Variants in CRISP2 observed in about 807,000 individuals in gnomAD.
The protein encoded by CRISP2 is cysteine rich secretory protein 2.
A neutral mutation model predicts 31.7 loss-of-function variants in CRISP2; 29 were observed. The ratio of observed to expected loss-of-function variants is 0.92; its 90% CI spans 0.68 to 1.25. The LOEUF is 1.25. CRISP2 is among the 50% of genes most tolerant of loss of function. The pLI is 0.00. For missense variants in CRISP2, 318 were observed against 286.5 expected (o/e 1.11, Z -0.79); for synonymous variants, 111 against 101.4 (o/e 1.09, Z -0.57).
Position 49,698,467 on chromosome 6 carries a change from A to C in CRISP2, c.312T>G (p.Pro104=). The C allele has an allele frequency of 6.2e-7, 1 of 1,613,166 alleles. No individual in the cohort carries two copies. Among genetic ancestry groups the C allele is most frequent in the South Asian group, 1.1e-5 (1 of 90,932 alleles). Residue 104 remains proline, a synonymous_variant, in exon 7 of 10, where the codon CCT becomes CCG. Coordinates refer to ENST00000339139, the MANE Select transcript of CRISP2 (RefSeq NM_003296.4). ...TTTGGATTGCAGAAGACCAGGAAGT[A>C]GGGTCACTTGACATATAGAGATTCT... is the stretch of plus-strand genomic sequence containing the variant. The part of the protein sequence containing the change: ...CGENLYMSSD[P]TSWSSAIQSW...
At chr6:49,677,542 T>A in the CRISP2 span, among the ~76,000 whole-genome samples, 1 of 152,206 alleles carries the variant, frequency 6.6e-6, no homozygotes, top group Non-Finnish European at 1.5e-5. Flanking sequence ...TTCTTTCACA[T>A]ACACTTACAG....
intron 6 of CRISP2, among the ~76,000 whole-genome samples, chr6:49,699,411 A>C (rs1022081573): frequency 6.6e-6 from 1 of 152,024 alleles, no homozygotes; most frequent in Non-Finnish European, 1.5e-5. Context: ...CAGCTACATA[A>C]ATTAACAAAA....
the CRISP2 span, among the ~76,000 whole-genome samples, chr6:49,685,088 T>C: frequency 6.6e-6 from 1 of 152,330 alleles, no homozygotes; most frequent in East Asian, 1.9e-4. Flanking sequence ...GCTCCCCGGA[T>C]GCCTCCCATG....
At chr6:49,677,711 T>G in the CRISP2 span, among the ~76,000 whole-genome samples, 1 of 152,068 alleles carries the variant, frequency 6.6e-6, no homozygotes, top group Non-Finnish European at 1.5e-5. Context: ...AGTGGAGTAC[T>G]GGGTGCAGGA....
At chr6:49,705,901 T>C (rs56994564) in intron 4 of CRISP2, among the ~76,000 whole-genome samples, 5,064 of 152,182 alleles carry the variant, frequency 0.033, 295 homozygotes, top group African/African-American at 0.12. Flanking sequence ...ACAGAGTTTG[T>C]AGCGTCAAGC....
chr6:49,698,189 G>C (rs1765096959), intron 7 of CRISP2, among the ~76,000 whole-genome samples, 173 bp downstream of exon 7: 2 of 152,052 alleles, frequency 1.3e-5, no homozygotes, highest in Non-Finnish European at 2.9e-5. Context: ...TTCCTACTAA[G>C]AGTTTGGCTG....
chr6:49,692,988 G>A (rs1764170535), intron 9 of CRISP2, 88 bp from the exon 10 acceptor site: 6 of 1,422,220 alleles, frequency 4.2e-6, no homozygotes, highest in Non-Finnish European at 4.9e-6. Flanking sequence ...GAGGGGGTAG[G>A]AGGGAACAAA....
At chr6:49,690,142 A>G (rs191438206), downstream of CRISP2, among the ~76,000 whole-genome samples, 531 of 152,254 alleles carry the variant, frequency 3.5e-3, 3 homozygotes, top group African/African-American at 0.011. Flanking sequence ...CTTGTCTCCT[A>G]TTTAGTCAAT....
Position 49,712,554 on chromosome 6 carries a change from T to G in CRISP2, c.-100A>C, listed in dbSNP as rs1016584784. On this transcript the variant is annotated 5_prime_UTR_variant, in exon 2 of 10. The change abolishes an upstream ATG in the 5' untranslated region. Coordinates refer to ENST00000339139, the MANE Select transcript of CRISP2 (RefSeq NM_003296.4). ...CAGGTGTTTTAAGATCAGGATGACA[T>G]GGTTTTCCTAGAGTGTCTTTAGGAG... 3 of 152,136 alleles carry G rather than the reference T, an allele frequency of 2.0e-5. No homozygotes were observed. The highest frequency in any genetic ancestry group is 2.9e-5 in the Non-Finnish European group (2 of 67,976). The allele number at this position is 152,136 out of a possible 1,614,324, so 9.4% of individuals were successfully genotyped here. A position where few individuals can be genotyped will look rare whatever the true frequency, so the allele number is the denominator to read the frequency against.
chr6:49,701,229 A>G (rs1765619028), intron 4 of CRISP2, among the ~76,000 whole-genome samples: 1 of 151,928 alleles, frequency 6.6e-6, no homozygotes, highest in African/African-American at 2.4e-5. Context: ...CCATCACCCC[A>G]GCAGTGTACA....
intron 4 of CRISP2, among the ~76,000 whole-genome samples, chr6:49,701,646 ATG>A (rs1765801239): frequency 8.0e-6 from 1 of 125,086 alleles, no homozygotes; most frequent in Non-Finnish European, 1.6e-5. Context: ...TACATTATAT[ATG>A]TATACATTAT....
chr6:49,685,491 C>A, the CRISP2 span, among the ~76,000 whole-genome samples: 1 of 152,190 alleles, frequency 6.6e-6, no homozygotes, highest in Non-Finnish European at 1.5e-5. Flanking sequence ...TTCAATAGAA[C>A]ACCACAGGGT....
intron 4 of CRISP2, among the ~76,000 whole-genome samples, chr6:49,707,581 G>A (rs500423): frequency 0.25 from 38,413 of 152,010 alleles, 5,081 homozygotes; most frequent in East Asian, 0.47. Context: ...GGAAAGAAAT[G>A]AAAAGAACAG....
At chr6:49,712,312 C>G (rs938813411) in intron 2 of CRISP2, among the ~76,000 whole-genome samples, 189 bp downstream of exon 2, 5 of 152,220 alleles carry the variant, frequency 3.3e-5, no homozygotes, top group Non-Finnish European at 7.3e-5. Flanking sequence ...CTGCTCTTCT[C>G]TCTCATAACC....
the CRISP2 span, among the ~76,000 whole-genome samples, chr6:49,686,162 T>G: frequency 2.0e-5 from 3 of 152,232 alleles, no homozygotes; most frequent in East Asian, 5.8e-4. Flanking sequence ...CAATTAGCAA[T>G]ATATACTGAA....
the CRISP2 span, among the ~76,000 whole-genome samples, chr6:49,681,136 T>G: frequency 2.6e-5 from 4 of 152,326 alleles, no homozygotes; most frequent in African/African-American, 2.4e-5. Context: ...GGTTTTACAT[T>G]TAAGTGTTTA....
downstream of CRISP2, among the ~76,000 whole-genome samples, chr6:49,687,575 C>A (rs993383403): frequency 1.3e-5 from 2 of 152,228 alleles, no homozygotes; most frequent in Admixed American, 1.3e-4. Flanking sequence ...GGGCAAATGA[C>A]CACACAGTAC....
At chr6:49,690,810 T>G (rs550268404), downstream of CRISP2, among the ~76,000 whole-genome samples, 1 of 152,194 alleles carries the variant, frequency 6.6e-6, no homozygotes, top group South Asian at 2.1e-4. Flanking sequence ...TATTGTAGAA[T>G]GAAGGTAAGC....
chr6:49,686,881 T>G, the CRISP2 span, among the ~76,000 whole-genome samples: 7 of 152,210 alleles, frequency 4.6e-5, no homozygotes, highest in South Asian at 2.1e-4. Context: ...CCATAAAAAA[T>G]GATGAGTTCA....
Sources: gnomAD v4.1 joint callset for allele counts (sites outside exome capture counted in the v4.1 genomes callset) on GRCh38, gnomAD v4.1.1 for gene constraint, MANE v1.5 for transcripts, NCBI Gene and HGNC (gene_info 2026-07-23, HGNC 2026-07-21) for gene names.